The following PSMB6 variants were observed in gnomAD, a reference collection of about 807,000 sequenced individuals.
PSMB6 encodes the protein proteasome subunit beta type-6.
Under a neutral mutation model 28.2 loss-of-function variants are expected in PSMB6, and 11 were observed. The observed-to-expected ratio is 0.39, with a 90% CI of 0.25 to 0.65. The LOEUF (loss-of-function observed/expected upper bound fraction) is 0.65, where lower values mean the gene tolerates loss of function less well. Among genes scored for constraint, PSMB6 ranks in the 30% least tolerant of loss-of-function variants. The pLI, the probability that PSMB6 is intolerant of heterozygous loss-of-function variation, is 0.48. For missense variants in PSMB6, 268 were observed against 319.4 expected (o/e 0.84, Z 1.23); for synonymous variants, 126 against 117.7 (o/e 1.07, Z -0.45).
intron 2 of PSMB6, 37 bp from the exon 3 acceptor site, chr17:4,797,400 AG>A (rs76289772): frequency 0.078 from 119,530 of 1,525,570 alleles, 5,107 homozygotes; most frequent in African/African-American, 0.15. Context: ...GGTGGAAGAC[AG>A]GTGGGCTCCT....
In PSMB6 at chr17:4,797,422, T is replaced by G; in HGVS notation, c.171-16T>G. 6.5e-7 allele frequency: 1 copy of G among 1,542,342 alleles called. No individual in the cohort carries two copies. Among genetic ancestry groups the G allele is most frequent in the Non-Finnish European group, 8.8e-7 (1 of 1,141,836 alleles). Reference sequence around the variant, plus strand: ...GACAGGTGGGCTCCTTTCCTCACTATTCTGCCATCCTGCAGGTCCTACATC... The same window carrying G: ...GACAGGTGGGCTCCTTTCCTCACTAGTCTGCCATCCTGCAGGTCCTACATC... On this transcript the variant is annotated splice_polypyrimidine_tract_variant and intron_variant, in intron 2 of 5. Coordinates refer to ENST00000270586, the MANE Select transcript of PSMB6 (RefSeq NM_002798.3).
In PSMB6 at chr17:4,798,050, C is replaced by A; in HGVS notation, c.474C>A (p.Ser158=). The change falls in exon 5 of 6, where the codon TCC becomes TCA. Residue 158 remains serine, a synonymous_variant. Transcript: ENST00000270586. ...TGGGGGGTATGATGGTAAGGCAGTC[C>A]TTTGCCATTGGAGGCTCCGGGAGCT... is the stretch of plus-strand genomic sequence containing the variant. ...VPMGGMMVRQ[S]FAIGGSGSSY... 6.2e-7 allele frequency: 1 copy of A among 1,614,128 alleles called. No homozygotes were observed. Among genetic ancestry groups the A allele is most frequent in the Non-Finnish European group, 8.5e-7 (1 of 1,180,020 alleles).
Position 4,797,781 on chromosome 17 carries a change from C to G in PSMB6, c.402C>G (p.Ile134Met). 2.5e-6 allele frequency: 4 copies of G among 1,614,120 alleles called. No homozygotes were observed. The highest frequency in any genetic ancestry group is 3.4e-6 in the Non-Finnish European group (4 of 1,180,012). ...AAGACCTGATGGCGGGAATCATCAT[C>G]GCAGGCTGGGACCCTCAAGAAGGAG... Reference protein sequence around the residue: ...YREDLMAGIIIAGWDPQEGGQ... With the variant: ...YREDLMAGIIMAGWDPQEGGQ... The change falls in exon 4 of 6, where the codon ATC becomes ATG. Residue 134 changes from isoleucine (I) to methionine (M), a missense_variant. Ile to Met is a conservative substitution (Grantham distance 10, BLOSUM62 1). Transcript: ENST00000270586.
chr17:4,796,753 A>G lies in PSMB6; in HGVS notation c.128A>G (p.Asp43Gly), dbSNP rs1905341753. Reference sequence around the variant, plus strand: ...ACCACTATCATGGCCGTGCAGTTTGACGGGGGCGTGGTTCTGGGGGCGGAC... The same window carrying G: ...ACCACTATCATGGCCGTGCAGTTTGGCGGGGGCGTGGTTCTGGGGGCGGAC... Reference protein sequence around the residue: ...TGTTIMAVQFDGGVVLGADSR... With the variant: ...TGTTIMAVQFGGGVVLGADSR... Residue 43 changes from aspartate to glycine, a missense_variant, in exon 2 of 6, where the codon GAC becomes GGC. Asp to Gly is a moderately conservative substitution (Grantham distance 94, BLOSUM62 -1). Coordinates refer to ENST00000270586, the MANE Select transcript of PSMB6 (RefSeq NM_002798.3). The G allele has an allele frequency of 6.2e-7, 1 of 1,609,620 alleles. No individual in the cohort carries two copies. Among genetic ancestry groups the G allele is most frequent in the South Asian group, 1.1e-5 (1 of 90,988 alleles).
At chr17:4,796,888 G>C in intron 2 of PSMB6, 93 bp downstream of exon 2, 1 of 1,062,778 alleles carries the variant, frequency 9.4e-7, no homozygotes, top group Non-Finnish European at 1.4e-6. Context: ...AGACCACTGT[G>C]GGAAGAGAGG....
At position 4,798,355 on chromosome 17, in the gene PSMB6, T is replaced by C; in HGVS notation, c.653T>C (p.Val218Ala). The C allele has an allele frequency of 2.5e-6, 4 of 1,614,156 alleles. No individual in the cohort carries two copies. Among genetic ancestry groups the C allele is most frequent in the Non-Finnish European group, 3.4e-6 (4 of 1,180,022 alleles). The change falls in exon 6 of 6, where the codon GTA becomes GCA. Residue 218 changes from valine to alanine, a missense_variant. Val to Ala is a moderately conservative substitution (Grantham distance 64, BLOSUM62 0). Coordinates refer to ENST00000270586, the MANE Select transcript of PSMB6 (RefSeq NM_002798.3). ...CTGGCAGCCATTGCAGAGTCAGGGG[T>C]AGAGCGGCAAGTACTTTTGGGAGAC... Reference protein sequence around the residue: ...IRLAAIAESGVERQVLLGDQI... With the variant: ...IRLAAIAESGAERQVLLGDQI...
chr17:4,797,604 G>T, intron 3 of PSMB6, 35 bp downstream of exon 3: 2 of 1,596,882 alleles, frequency 1.3e-6, no homozygotes, highest in Non-Finnish European at 1.7e-6. Flanking sequence ...AGTATCTGAA[G>T]GGAGTTGGAA....
At position 4,798,029 on chromosome 17, in the gene PSMB6, G is replaced by C; in HGVS notation, c.453G>C (p.Gly151=). 1.2e-6 allele frequency: 2 copies of C among 1,614,154 alleles called. No individual in the cohort carries two copies. Among genetic ancestry groups the C allele is most frequent in the Non-Finnish European group, 1.7e-6 (2 of 1,180,026 alleles). ...EGGQVYSVPM[G]GMMVRQSFAI... ...GGCAGGTGTACTCAGTGCCTATGGG[G>C]GGTATGATGGTAAGGCAGTCCTTTG... Residue 151 remains glycine, a synonymous_variant, in exon 5 of 6, where the codon GGG becomes GGC. Coordinates refer to ENST00000270586, the MANE Select transcript of PSMB6 (RefSeq NM_002798.3).
chr17:4,796,983 GTC>G (rs1286363560), intron 2 of PSMB6, 188 bp downstream of exon 2: 1 of 609,086 alleles, frequency 1.6e-6, no homozygotes, highest in Non-Finnish European at 2.9e-6. Flanking sequence ...CCTTACAAAA[GTC>G]TGTTCTCCAG....
In PSMB6 at chr17:4,796,744, T is replaced by C; in HGVS notation, c.119T>C (p.Val40Ala). 1.2e-6 allele frequency: 2 copies of C among 1,607,936 alleles called. No individual in the cohort carries two copies. Among genetic ancestry groups the C allele is most frequent in the African/African-American group, 1.3e-5 (1 of 74,868 alleles). ...TTTTCCCAGACCACTATCATGGCCG[T>C]GCAGTTTGACGGGGGCGTGGTTCTG... Reference protein sequence around the residue: ...EVSTGTTIMAVQFDGGVVLGA... With the variant: ...EVSTGTTIMAAQFDGGVVLGA... Residue 40 changes from valine (V) to alanine (A), a missense_variant, in exon 2 of 6, where the codon GTG becomes GCG. By Grantham distance (64) the Val-to-Ala change is moderately conservative. Coordinates refer to ENST00000270586, the MANE Select transcript of PSMB6 (RefSeq NM_002798.3).
chr17:4,796,821 G>A (rs770780658), intron 2 of PSMB6, 26 bp downstream of exon 2: 10 of 1,554,850 alleles, frequency 6.4e-6, no homozygotes, highest in Admixed American at 5.0e-5. Flanking sequence ...ATTTGTGAAA[G>A]GTCTTCCCAT....
chr17:4,796,682 G>A (rs903913870), intron 1 of PSMB6, 46 bp from the exon 2 acceptor site: 3 of 1,491,262 alleles, frequency 2.0e-6, no homozygotes, highest in Non-Finnish European at 2.8e-6. Context: ...ATTGAGGTTT[G>A]TGTCTGCTGG....
In PSMB6 at chr17:4,798,476, A is replaced by G. The variant is rs1395296586; in HGVS notation, c.*54A>G. Reference sequence around the variant, plus strand: ...ATGCCCTGTACTGATGCAAAATTTAATAAAGTTTGTCACAGAGAATCTTTG... The same window carrying G: ...ATGCCCTGTACTGATGCAAAATTTAGTAAAGTTTGTCACAGAGAATCTTTG... On this transcript the variant is annotated 3_prime_UTR_variant, in exon 6 of 6. Coordinates refer to ENST00000270586, the MANE Select transcript of PSMB6 (RefSeq NM_002798.3). 1.3e-6 allele frequency: 2 copies of G among 1,543,464 alleles called. No homozygotes were observed. The highest frequency in any genetic ancestry group is 1.7e-6 in the Non-Finnish European group (2 of 1,143,216).
In PSMB6 at chr17:4,796,216, G is replaced by T. The variant is rs1435860259; in HGVS notation, c.22G>T (p.Ala8Ser). 1 of 1,590,492 alleles carries T rather than the reference G, an allele frequency of 6.3e-7. No individual in the cohort carries two copies. The highest frequency in any genetic ancestry group is 2.3e-5 in the East Asian group (1 of 43,998). Reference sequence around the variant, plus strand: ...AAAGATGGCGGCTACCTTACTAGCTGCTCGGGGAGCCGGGCCAGCACCGGC... The same window carrying T: ...AAAGATGGCGGCTACCTTACTAGCTTCTCGGGGAGCCGGGCCAGCACCGGC... MAATLLA[A>S]RGAGPAPAWG... The change falls in exon 1 of 6, where the codon GCT (alanine) becomes TCT (serine). Residue 8 changes from alanine (A) to serine (S), a missense_variant. Transcript: ENST00000270586.
rs1294913948 is a variant in PSMB6, at chr17:4,797,830, C to G, written c.432+19C>G. On this transcript the variant is annotated intron_variant, in intron 4 of 5. Transcript: ENST00000270586. ...AGGGCAGGTCAGATCCCCACCCGAC[C>G]AGAGCACACTTGAGCCAGGACTTTT... is the stretch of plus-strand genomic sequence containing the variant. 3.5e-5 allele frequency: 57 copies of G among 1,613,734 alleles called. No homozygotes were observed. The highest frequency in any genetic ancestry group is 4.7e-5 in the Non-Finnish European group (56 of 1,179,838).
In PSMB6 at chr17:4,796,737, A is replaced by G. The variant is rs747052551; in HGVS notation, c.112A>G (p.Met38Val). The G allele has an allele frequency of 1.2e-6, 2 of 1,605,836 alleles. No individual in the cohort carries two copies. Among genetic ancestry groups the G allele is most frequent in the Non-Finnish European group, 8.5e-7 (1 of 1,172,552 alleles). Residue 38 changes from methionine (M) to valine (V), a missense_variant, in exon 2 of 6, where the codon ATG becomes GTG. Transcript: ENST00000270586. The part of the protein sequence containing the change: ...SREVSTGTTI[M>V]AVQFDGGVVL... ...TTTTCCCTTTTCCCAGACCACTATC[A>G]TGGCCGTGCAGTTTGACGGGGGCGT...
chr17:4,797,095 C>G, intron 2 of PSMB6: 1 of 434,818 alleles, frequency 2.3e-6, no homozygotes, highest in Non-Finnish European at 4.1e-6. Context: ...GGGTGGATCA[C>G]CTGAGGTCAG....
chr17:4,797,892 T>C, intron 4 of PSMB6, 81 bp downstream of exon 4: 1 of 1,604,662 alleles, frequency 6.2e-7, no homozygotes. Flanking sequence ...CTTTCCAGTC[T>C]CTACCTCACT....
At chr17:4,797,941 T>C (rs1281585261) in intron 4 of PSMB6, 68 bp from the exon 5 acceptor site, 1 of 1,606,220 alleles carries the variant, frequency 6.2e-7, no homozygotes, top group Non-Finnish European at 8.5e-7. Flanking sequence ...AATAGCAGAA[T>C]GGACAGGTGA....
Sources: allele counts gnomAD v4.1 joint callset, GRCh38; gene constraint gnomAD v4.1.1; transcripts MANE v1.5; gene names NCBI Gene and HGNC (gene_info 2026-07-23, HGNC 2026-07-21).